TBC1D12: variants seen among roughly 807,000 people sequenced by gnomAD.
The protein encoded by TBC1D12 is TBC1 domain family, member 12.
In TBC1D12, 56 loss-of-function variants were observed where a neutral mutation model predicts 86.7. The observed-to-expected ratio is 0.65, with a 90% CI of 0.52 to 0.81. The LOEUF (loss-of-function observed/expected upper bound fraction) is 0.81. Among genes scored for constraint, TBC1D12 ranks in the 30% least tolerant of loss-of-function variants. The pLI is 0.00. For missense variants in TBC1D12, 1,023 were observed against 1,038.8 expected, an observed-to-expected ratio of 0.98 and a Z score of 0.21; for synonymous variants, 421 against 411.7, an observed-to-expected ratio of 1.02 and a Z score of -0.27.
At chr10:94,511,095 C>CTTTTT (rs3053917) in intron 8 of TBC1D12, among the ~76,000 whole-genome samples, 11 of 66,816 alleles carry the variant, frequency 1.6e-4, no homozygotes, top group Admixed American at 4.4e-4. Context: ...GTAAATATTT[C>CTTTTT]TTTTTTTTTT....
At chr10:94,527,064 A>G (rs979109560) in intron 11 of TBC1D12, among the ~76,000 whole-genome samples, 2 of 142,756 alleles carry the variant, frequency 1.4e-5, no homozygotes, top group African/African-American at 5.8e-5. Context: ...TCATTTGCCC[A>G]TTTTTTAGCT....
chr10:94,474,102 G>A (rs1376601674), intron 2 of TBC1D12, among the ~76,000 whole-genome samples: 1 of 151,974 alleles, frequency 6.6e-6, no homozygotes, highest in Non-Finnish European at 1.5e-5. Context: ...CAATACAGTG[G>A]CATTATCTAT....
At chr10:94,421,604 A>G (rs1251045889) in intron 1 of TBC1D12, among the ~76,000 whole-genome samples, 4 of 152,184 alleles carry the variant, frequency 2.6e-5, no homozygotes, top group Non-Finnish European at 4.4e-5. Flanking sequence ...CTCATTGAGG[A>G]ACTGCCAAAC....
chr10:94,512,121 T>C (rs2056535629), intron 9 of TBC1D12, among the ~76,000 whole-genome samples: 1 of 152,210 alleles, frequency 6.6e-6, no homozygotes, highest in Non-Finnish European at 1.5e-5. Flanking sequence ...CTTCAGCTTC[T>C]GAGCCTTCAG....
intron 2 of TBC1D12, among the ~76,000 whole-genome samples, chr10:94,449,956 A>C (rs997253351): frequency 6.6e-6 from 1 of 152,168 alleles, no homozygotes; most frequent in African/African-American, 2.4e-5. Flanking sequence ...ACAAAACGCA[A>C]GGCATCAAAG....
chr10:94,408,826 A>AT (rs892893889), intron 1 of TBC1D12, among the ~76,000 whole-genome samples: 1 of 152,222 alleles, frequency 6.6e-6, no homozygotes, highest in Non-Finnish European at 1.5e-5. Context: ...GTTTTAAAAG[A>AT]TTTTAAAAGC....
intron 2 of TBC1D12, among the ~76,000 whole-genome samples, chr10:94,465,655 A>ATATAT (rs1554941179): frequency 1.9e-5 from 2 of 106,728 alleles, no homozygotes; most frequent in East Asian, 4.2e-4. Flanking sequence ...TAAAAAAAAA[A>ATATAT]ATATATATAT....
intron 2 of TBC1D12, 44 bp downstream of exon 2, chr10:94,442,063 C>A: frequency 6.6e-7 from 1 of 1,511,200 alleles, no homozygotes; most frequent in Non-Finnish European, 8.8e-7. Context: ...GCTTTTCAAG[C>A]ATTCTTCTTC....
intron 2 of TBC1D12, among the ~76,000 whole-genome samples, chr10:94,444,731 CTCT>C (rs1385860947): frequency 6.7e-6 from 1 of 149,566 alleles, no homozygotes; most frequent in African/African-American, 2.4e-5. Context: ...ACCTCACATT[CTCT>C]TTTTTTTTTT....
intron 12 of TBC1D12, among the ~76,000 whole-genome samples, chr10:94,532,212 C>A (rs1842452251): frequency 7.2e-6 from 1 of 139,594 alleles, no homozygotes; most frequent in Admixed American, 7.1e-5. Context: ...GAGTCTCACT[C>A]TGTCGCCCAG....
rs1286347690 is a variant in TBC1D12, at chr10:94,403,403, C to T, written c.790C>T (p.Leu264=). 2 of 1,548,158 alleles carry T rather than the reference C, an allele frequency of 1.3e-6. No individual in the cohort carries two copies. The highest frequency in any genetic ancestry group is 2.4e-5 in the South Asian group (2 of 83,792). Residue 264 remains leucine, a synonymous_variant, in exon 1 of 13, where the codon CTG becomes TTG. Transcript: ENST00000225235. ...ERTNGGAEPR[L]GFSDIHFNSR... is the part of the protein sequence containing the mutation. ...GACTAATGGGGGTGCGGAGCCGCGC[C>T]TGGGCTTTTCTGACATTCACTTCAA...
intron 2 of TBC1D12, among the ~76,000 whole-genome samples, chr10:94,442,676 T>C (rs2055398820): frequency 6.6e-6 from 1 of 152,214 alleles, no homozygotes; most frequent in African/African-American, 2.4e-5. Flanking sequence ...CAATCTGCAG[T>C]GTTTTAAAGT....
intron 2 of TBC1D12, among the ~76,000 whole-genome samples, chr10:94,448,840 C>A (rs1490861275): frequency 6.6e-6 from 1 of 152,196 alleles, no homozygotes; most frequent in East Asian, 1.9e-4. Flanking sequence ...TTTACCTCAT[C>A]TGTTATCACC....
chr10:94,506,478 A>G (rs1046877235), intron 6 of TBC1D12, among the ~76,000 whole-genome samples: 1 of 152,196 alleles, frequency 6.6e-6, no homozygotes, highest in African/African-American at 2.4e-5. Context: ...TATTTTTTCT[A>G]TTCTTCTGTC....
chr10:94,529,889 G>A (rs1842381895), intron 11 of TBC1D12, among the ~76,000 whole-genome samples: 1 of 152,148 alleles, frequency 6.6e-6, no homozygotes, highest in Non-Finnish European at 1.5e-5. Flanking sequence ...CCTGAGCCTA[G>A]GCACTCCTCA....
intron 2 of TBC1D12, among the ~76,000 whole-genome samples, chr10:94,453,640 T>G (rs1293980373): frequency 1.3e-5 from 2 of 152,148 alleles, no homozygotes; most frequent in Non-Finnish European, 2.9e-5. Context: ...TATTTTACTT[T>G]TTATTTTTTT....
At chr10:94,409,190 C>G (rs1388620800) in intron 1 of TBC1D12, among the ~76,000 whole-genome samples, 1 of 151,962 alleles carries the variant, frequency 6.6e-6, no homozygotes, top group Non-Finnish European at 1.5e-5. Flanking sequence ...ACTAAAGCAC[C>G]GGAAATCCAG....
intron 2 of TBC1D12, among the ~76,000 whole-genome samples, chr10:94,460,213 G>A (rs138160094): frequency 4.0e-4 from 61 of 152,236 alleles, no homozygotes; most frequent in African/African-American, 5.5e-4. Flanking sequence ...GCACTCCAGC[G>A]TGGGTGACAG....
At chr10:94,458,549 G>T (rs954290018) in intron 2 of TBC1D12, among the ~76,000 whole-genome samples, 9 of 152,128 alleles carry the variant, frequency 5.9e-5, no homozygotes, top group Admixed American at 2.0e-4. Context: ...GGAATTGGTG[G>T]GTTCTTGGTC....
Sources: gnomAD v4.1 joint callset for allele counts (sites outside exome capture counted in the v4.1 genomes callset) on GRCh38, gnomAD v4.1.1 for gene constraint, MANE v1.5 for transcripts, NCBI Gene and HGNC (gene_info 2026-07-23, HGNC 2026-07-21) for gene names.